Variants in DDX56 observed in about 807,000 individuals in gnomAD.
DDX56 encodes the protein probable ATP-dependent RNA helicase DDX56.
In DDX56, 45 loss-of-function variants were observed where a neutral mutation model predicts 61.5. The observed-to-expected ratio is 0.73, with a 90% CI of 0.58 to 0.94. The LOEUF is 0.94. Among genes scored for constraint, DDX56 ranks in the 40% least tolerant of loss-of-function variants. The pLI is 0.00. For synonymous variants in DDX56, 273 were observed against 268.3 expected, an observed-to-expected ratio of 1.02 and a Z score of -0.17; for missense variants, 708 against 690.7, an observed-to-expected ratio of 1.02 and a Z score of -0.28.
chr7:44,571,247 C>T (rs1485650398), intron 6 of DDX56, among the ~76,000 whole-genome samples: 1 of 152,160 alleles, frequency 6.6e-6, no homozygotes, highest in African/African-American at 2.4e-5. Context: ...CCATGCTGGC[C>T]AGGCTGGTCT....
At chr7:44,567,509 G>A (rs1302086090) in intron 12 of DDX56, among the ~76,000 whole-genome samples, 3 of 152,226 alleles carry the variant, frequency 2.0e-5, no homozygotes, top group African/African-American at 7.2e-5. Context: ...CCAAAGATGA[G>A]GAGAGGTGCC....
rs374098385 is a variant in DDX56 at position 44,573,827 on chromosome 7, C to A, written c.60+9G>T. 152 of 1,613,246 alleles carry A rather than the reference C, an allele frequency of 9.4e-5. No individual in the cohort carries two copies. The highest frequency in any genetic ancestry group is 1.3e-4 in the Non-Finnish European group (149 of 1,180,020). ...GCCCGTAAGCCGGCTCCCCAGCCCT[C>A]GCGTGTACCTGAAGGAGCCGGGGAT... On this transcript the variant is annotated intron_variant, in intron 1 of 13. Transcript: ENST00000258772.
chr7:44,571,490 A>G lies in DDX56; in HGVS notation c.890+2T>C. The G allele has an allele frequency of 1.2e-6, 2 of 1,613,448 alleles. No individual in the cohort carries two copies. The highest frequency in any genetic ancestry group is 2.2e-5 in the East Asian group (1 of 44,868). On this transcript the variant is annotated splice_donor_variant, in intron 6 of 13. Coordinates refer to ENST00000258772, the MANE Select transcript of DDX56 (RefSeq NM_019082.4). LOFTEE classifies it high-confidence loss of function. ...TCAACCAAGATGTTGGCTGTGGCAG[A>G]CCTGGAGCGCAGTGGAAGCTCTCCA...
chr7:44,571,566 G>GT lies in DDX56; in HGVS notation c.815dup (p.Tyr272Ter). 1.2e-6 allele frequency: 2 copies of GT among 1,614,168 alleles called. No homozygotes were observed. The highest frequency in any genetic ancestry group is 1.7e-6 in the Non-Finnish European group (2 of 1,180,036). The stretch of plus-strand genomic sequence containing the variant: ...ACTGTTCCAAGAACAGGCGTAGCCG[G>GT]TAACTCCGTTCTAGAGTGTTGACAA... ...LLFVNTLERS[Y>*]RLRLFLEQFS... The change falls in exon 6 of 14, where the codon TAC (tyrosine) becomes TAAC (stop). Residue 272 changes from tyrosine (Y) to a stop codon, truncating the protein, a stop_gained and frameshift_variant. Coordinates refer to ENST00000258772, the MANE Select transcript of DDX56 (RefSeq NM_019082.4). LOFTEE classifies it high-confidence loss of function.
intron 11 of DDX56, among the ~76,000 whole-genome samples, chr7:44,568,538 G>C (rs148243600): frequency 6.6e-6 from 1 of 152,184 alleles, no homozygotes; most frequent in East Asian, 1.9e-4. Context: ...GCCCCCTATG[G>C]TGGCCCCAGG....
At chr7:44,567,263 G>A (rs1414486880) in intron 12 of DDX56, among the ~76,000 whole-genome samples, 1 of 152,040 alleles carries the variant, frequency 6.6e-6, no homozygotes, top group African/African-American at 2.4e-5. Context: ...TCCTGCCCTG[G>A]AACATTCCAT....
intron 6 of DDX56, 123 bp downstream of exon 6, chr7:44,571,369 G>T: frequency 8.7e-7 from 1 of 1,151,892 alleles, no homozygotes; most frequent in Non-Finnish European, 1.2e-6. Context: ...GTTGGGAGAA[G>T]TCAGTATCAG....
chr7:44,568,497 G>A (rs1322633150), intron 11 of DDX56, among the ~76,000 whole-genome samples: 1 of 151,844 alleles, frequency 6.6e-6, no homozygotes, highest in African/African-American at 2.4e-5. Context: ...TGTAACCTTC[G>A]GCTCTGAATG....
rs774105422 is a variant in DDX56 at position 44,566,008 on chromosome 7, G to A, written c.1638C>T (p.Pro546=). The change falls in exon 14 of 14, where the codon CCC becomes CCT. Residue 546 remains proline, a synonymous_variant. Coordinates refer to ENST00000258772, the MANE Select transcript of DDX56 (RefSeq NM_019082.4). Reference sequence around the variant, plus strand: ...CCAGAGAGGCCCAACAACCTCAGGAGGGCTTGGCTGTGGGTCTGAATTTCT... The same window carrying A: ...CCAGAGAGGCCCAACAACCTCAGGAAGGCTTGGCTGTGGGTCTGAATTTCT... ...KGKKFRPTAK[P]S 1.1e-5 allele frequency: 17 copies of A among 1,612,090 alleles called. No individual in the cohort carries two copies. Among genetic ancestry groups the A allele is most frequent in the Non-Finnish European group, 1.4e-5 (17 of 1,179,268 alleles).
rs188982087 is a variant in DDX56 at position 44,569,223 on chromosome 7, G to A, written c.1220-20C>T. ...TGTTCTCTGTGGAGAAGAAAGCAGC[G>A]AGGGTCCCACAGGCTGAGGCCTTAG... On this transcript the variant is annotated intron_variant, in intron 9 of 13. Coordinates refer to ENST00000258772, the MANE Select transcript of DDX56 (RefSeq NM_019082.4). 58 of 1,611,120 alleles carry A rather than the reference G, an allele frequency of 3.6e-5. No homozygotes were observed. The highest frequency in any genetic ancestry group is 3.2e-4 in the African/African-American group (24 of 74,986).
At chr7:44,573,808 A>T (rs772521079) in intron 1 of DDX56, 28 bp downstream of exon 1, 2 of 1,613,370 alleles carry the variant, frequency 1.2e-6, no homozygotes, top group Non-Finnish European at 1.7e-6. Context: ...CAGAGCCCGT[A>T]AGCCGGCTCC....
chr7:44,573,846 C>T lies in DDX56; in HGVS notation c.50G>A (p.Arg17Gln), dbSNP rs1347076527. The T allele has an allele frequency of 1.2e-6, 2 of 1,613,322 alleles. No homozygotes were observed. Among genetic ancestry groups the T allele is most frequent in the Non-Finnish European group, 1.7e-6 (2 of 1,180,014 alleles). The change falls in exon 1 of 14, where the codon CGG becomes CAG. Residue 17 changes from arginine to glutamine, a missense_variant. Transcript: ENST00000258772. The stretch of plus-strand genomic sequence containing the variant: ...AGCCCTCGCGTGTACCTGAAGGAGC[C>T]GGGGATCGAGGCCCATGTGTTCGAA... ...LGFEHMGLDP[R>Q]LLQAVTDLGW...
rs769025648 is a variant in DDX56, at chr7:44,572,969, T to C, written c.304A>G (p.Ile102Val). Reference protein sequence around the residue: ...KELARQAQSMIQQLATYCARD... With the variant: ...KELARQAQSMVQQLATYCARD... The stretch of plus-strand genomic sequence containing the variant: ...GCACAGTAGGTAGCCAGCTGCTGAA[T>C]CATGGACTGTGCTTGCCGTGCCAGC... The change falls in exon 3 of 14, where the codon ATT becomes GTT. Residue 102 changes from isoleucine (I) to valine (V), a missense_variant. Coordinates refer to ENST00000258772, the MANE Select transcript of DDX56 (RefSeq NM_019082.4). 1 of 1,613,458 alleles carries C rather than the reference T, an allele frequency of 6.2e-7. No individual in the cohort carries two copies. The highest frequency in any genetic ancestry group is 1.1e-5 in the South Asian group (1 of 90,994).
intron 11 of DDX56, among the ~76,000 whole-genome samples, 186 bp from the exon 12 acceptor site, chr7:44,568,409 T>C (rs1802594142): frequency 6.6e-6 from 1 of 152,170 alleles, no homozygotes; most frequent in Admixed American, 6.5e-5. Context: ...CACATGGCAG[T>C]ACCCTGTACC....
In DDX56 at chr7:44,573,726, A is replaced by T; in HGVS notation, c.79T>A (p.Trp27Arg). Residue 27 changes from tryptophan to arginine, a missense_variant, in exon 2 of 14, where the codon TGG becomes AGG. By Grantham distance (101) the Trp-to-Arg change is moderately radical. Coordinates refer to ENST00000258772, the MANE Select transcript of DDX56 (RefSeq NM_019082.4). ...TCCTGGATCAGCGTAGGTCGCGACCAGCCCAGATCGGTGACAGCCTAGGAG... is the reference window on the plus strand; with the variant it reads ...TCCTGGATCAGCGTAGGTCGCGACCTGCCCAGATCGGTGACAGCCTAGGAG... ...RLLQAVTDLG[W>R]SRPTLIQEKA... 1 of 1,613,574 alleles carries T rather than the reference A, an allele frequency of 6.2e-7. No homozygotes were observed. Among genetic ancestry groups the T allele is most frequent in the Non-Finnish European group, 8.5e-7 (1 of 1,179,940 alleles).
chr7:44,568,493 C>A (rs917552632), intron 11 of DDX56, among the ~76,000 whole-genome samples: 8 of 152,060 alleles, frequency 5.3e-5, no homozygotes, highest in African/African-American at 1.9e-4. Flanking sequence ...CCCATGTAAC[C>A]TTCGGCTCTG....
At chr7:44,568,280 G>T in intron 11 of DDX56, 57 bp from the exon 12 acceptor site, 1 of 1,286,670 alleles carries the variant, frequency 7.8e-7, no homozygotes, top group South Asian at 1.4e-5. Flanking sequence ...TGACTTCACA[G>T]ACCTAGCTTT....
At position 44,566,171 on chromosome 7, in the gene DDX56, G is replaced by GC. The variant is rs2117115581; in HGVS notation, c.1567-93dup. On this transcript the variant is annotated intron_variant, in intron 13 of 13. Coordinates refer to ENST00000258772, the MANE Select transcript of DDX56 (RefSeq NM_019082.4). ...CCCAACTGAGAAAGACACAAAGGGA[G>GC]CCGTGCCGGCAACTGGCCAACACGA... 1.4e-5 allele frequency: 10 copies of GC among 710,920 alleles called. No homozygotes were observed. In the South Asian group the frequency reaches 1.6e-4, roughly 11 times the overall value. 44.0% of individuals were successfully genotyped at this position (710,920 alleles called of 1,614,324 possible).
At position 44,566,459 on chromosome 7, in the gene DDX56, T is replaced by C; in HGVS notation, c.1555A>G (p.Arg519Gly). 6.4e-7 allele frequency: 1 copy of C among 1,557,226 alleles called. No individual in the cohort carries two copies. Residue 519 changes from arginine to glycine, a missense_variant, in exon 13 of 14, where the codon AGG (arginine) becomes GGG (glycine). Transcript: ENST00000258772. ...CCCAGGAGCCGTACCTTGGCCTTCC[T>C]ACAAGAGGAAGACAGCTTCTTCCGC... ...KKRKKLSSSC[R>G]KAKRAKSQNP...
Sources: allele counts gnomAD v4.1 joint callset (sites outside exome capture counted in the v4.1 genomes callset), GRCh38; gene constraint gnomAD v4.1.1; transcripts MANE v1.5; gene names NCBI Gene and HGNC (gene_info 2026-07-23, HGNC 2026-07-21).